Variants in MTREX observed in about 807,000 individuals in gnomAD.
The protein encoded by MTREX is Mtr4 exosome RNA helicase.
Under a neutral mutation model 135.4 loss-of-function variants are expected in MTREX, and 76 were observed. The observed-to-expected ratio is 0.56, with a 90% CI of 0.47 to 0.68. The LOEUF (loss-of-function observed/expected upper bound fraction) is 0.68, where lower values mean the gene tolerates loss of function less well. Among genes scored for constraint, MTREX ranks in the 30% least tolerant of loss-of-function variants. The pLI, the probability that MTREX is intolerant of heterozygous loss-of-function variation, is 0.00. For missense variants in MTREX, 920 were observed against 1,262.1 expected (o/e 0.73, Z 4.11); for synonymous variants, 404 against 401.6 (o/e 1.01, Z -0.07).
intron 18 of MTREX, among the ~76,000 whole-genome samples, chr5:55,379,601 C>G (rs373399423): frequency 6.9e-6 from 1 of 144,138 alleles, no homozygotes; most frequent in East Asian, 2.2e-4. Flanking sequence ...CACACACACA[C>G]ACACACACAC....
intron 16 of MTREX, among the ~76,000 whole-genome samples, chr5:55,374,270 A>T (rs1313908726): frequency 6.8e-6 from 1 of 146,410 alleles, no homozygotes; most frequent in African/African-American, 2.5e-5. Context: ...ACATTTATAT[A>T]TATATATATA....
intron 20 of MTREX, among the ~76,000 whole-genome samples, chr5:55,398,115 A>G (rs540122520): frequency 1.3e-5 from 2 of 152,282 alleles, no homozygotes; most frequent in South Asian, 2.1e-4. Flanking sequence ...GTATGCATCT[A>G]TAATCCCAGT....
chr5:55,412,534 G>A (rs1750898900), intron 23 of MTREX, among the ~76,000 whole-genome samples: 1 of 152,140 alleles, frequency 6.6e-6, no homozygotes, highest in Non-Finnish European at 1.5e-5. Context: ...TGTCAAATAG[G>A]GGTGAAGGTT....
At position 55,379,265 on chromosome 5, in the gene MTREX, T is replaced by C. The variant is rs934974930; in HGVS notation, c.2052+70T>C. 1.2e-5 allele frequency: 11 copies of C among 925,888 alleles called. No homozygotes were observed. In the Admixed American group the frequency reaches 2.0e-4, roughly 17 times the overall value. The allele number at this position is 925,888 out of a possible 1,614,324, so 57.4% of individuals were successfully genotyped here. A position where few individuals can be genotyped will look rare whatever the true frequency, so the allele number is the denominator to read the frequency against. Reference sequence around the variant, plus strand: ...GAAATGTTTTTTAAGGCTTATGAAATCGGTCTAAGAAGAAATAATATTACC... The same window carrying C: ...GAAATGTTTTTTAAGGCTTATGAAACCGGTCTAAGAAGAAATAATATTACC... On this transcript the variant is annotated intron_variant, in intron 18 of 26. Coordinates refer to ENST00000230640, the MANE Select transcript of MTREX (RefSeq NM_015360.5).
intron 5 of MTREX, among the ~76,000 whole-genome samples, chr5:55,329,667 C>A (rs1364582211): frequency 6.6e-6 from 1 of 151,920 alleles, no homozygotes; most frequent in African/African-American, 2.4e-5. Context: ...AAGGTATTTT[C>A]CTTTGGTATG....
At chr5:55,411,023 A>G (rs535317577) in intron 23 of MTREX, among the ~76,000 whole-genome samples, 1 of 152,330 alleles carries the variant, frequency 6.6e-6, no homozygotes, top group East Asian at 1.9e-4. Flanking sequence ...TTGAAGAATA[A>G]TGACGAAGCA....
intron 25 of MTREX, among the ~76,000 whole-genome samples, chr5:55,416,939 C>A (rs901510695): frequency 3.3e-5 from 5 of 152,030 alleles, no homozygotes; most frequent in African/African-American, 1.2e-4. Flanking sequence ...GGCCTTTCAA[C>A]TGATATTATT....
At chr5:55,413,349 AAAAT>A (rs1181903100) in intron 23 of MTREX, among the ~76,000 whole-genome samples, 3 of 152,082 alleles carry the variant, frequency 2.0e-5, no homozygotes, top group Non-Finnish European at 4.4e-5. Flanking sequence ...AAAAAAAAAA[AAAAT>A]AGCCATAATT....
At chr5:55,362,494 G>A (rs1750031737) in intron 15 of MTREX, among the ~76,000 whole-genome samples, 1 of 152,104 alleles carries the variant, frequency 6.6e-6, no homozygotes, top group Non-Finnish European at 1.5e-5. Flanking sequence ...CCAAGTAGCT[G>A]AGATTACAGG....
At chr5:55,343,601 C>A in intron 8 of MTREX, 146 bp downstream of exon 8, 1 of 694,166 alleles carries the variant, frequency 1.4e-6, no homozygotes, top group Non-Finnish European at 2.3e-6. Flanking sequence ...AATCAAGCAG[C>A]TTATCAAAAT....
intron 13 of MTREX, 96 bp downstream of exon 13, chr5:55,351,125 T>A: frequency 7.5e-7 from 1 of 1,337,760 alleles, no homozygotes; most frequent in South Asian, 1.8e-5. Flanking sequence ...TGTGTGTTTT[T>A]AACAAGGCTT....
intron 10 of MTREX, among the ~76,000 whole-genome samples, chr5:55,346,105 A>ATGC (rs1265014488): frequency 6.6e-6 from 1 of 152,168 alleles, no homozygotes; most frequent in Non-Finnish European, 1.5e-5. Context: ...ACTGTTAGGA[A>ATGC]TGCTGTTGTA....
intron 19 of MTREX, among the ~76,000 whole-genome samples, chr5:55,393,753 C>G (rs1750604858): frequency 6.6e-6 from 1 of 152,186 alleles, no homozygotes; most frequent in Non-Finnish European, 1.5e-5. Flanking sequence ...TGAGTTATAT[C>G]ATGAAGGTAA....
intron 5 of MTREX, 140 bp downstream of exon 5, chr5:55,328,951 T>C: frequency 2.0e-6 from 1 of 511,698 alleles, no homozygotes; most frequent in Non-Finnish European, 3.5e-6. Context: ...TTATTGAACC[T>C]CTAATACAAT....
intron 9 of MTREX, 23 bp from the exon 10 acceptor site, chr5:55,345,071 A>G (rs1167026002): frequency 3.4e-6 from 5 of 1,461,332 alleles, no homozygotes; most frequent in African/African-American, 2.8e-5. Context: ...GTGAAGTTAC[A>G]CAGAAAAAAT....
At chr5:55,317,695 A>G (rs1468090928) in intron 1 of MTREX, among the ~76,000 whole-genome samples, 1 of 152,230 alleles carries the variant, frequency 6.6e-6, no homozygotes, top group East Asian at 1.9e-4. Flanking sequence ...ACTAGGCAGT[A>G]TCATCCTGGA....
At chr5:55,395,722 A>G (rs2111581200) in intron 19 of MTREX, among the ~76,000 whole-genome samples, 1 of 152,340 alleles carries the variant, frequency 6.6e-6, no homozygotes, top group African/African-American at 2.4e-5. Flanking sequence ...GACTTCCACC[A>G]AAAATGGATA....
intron 5 of MTREX, among the ~76,000 whole-genome samples, chr5:55,336,015 A>G (rs1232044121): frequency 6.6e-6 from 1 of 152,090 alleles, no homozygotes; most frequent in African/African-American, 2.4e-5. Flanking sequence ...GCTATTGTGA[A>G]TCACATTTTT....
At chr5:55,412,143 C>G (rs968736751) in intron 23 of MTREX, among the ~76,000 whole-genome samples, 4 of 152,044 alleles carry the variant, frequency 2.6e-5, no homozygotes, top group African/African-American at 9.7e-5. Context: ...GTGGTGGCGC[C>G]TTTTAACATT....
Sources: allele counts gnomAD v4.1 joint callset (sites outside exome capture counted in the v4.1 genomes callset), GRCh38; gene constraint gnomAD v4.1.1; transcripts MANE v1.5; gene names NCBI Gene and HGNC (gene_info 2026-07-23, HGNC 2026-07-21).